The following DENND1A variants were observed in gnomAD, a reference collection of about 807,000 sequenced individuals.
DENND1A encodes DENN domain containing 1A.
Under a neutral mutation model 113.7 loss-of-function variants are expected in DENND1A, and 51 were observed. The ratio of observed to expected loss-of-function variants is 0.45; its 90% CI spans 0.36 to 0.57. The LOEUF is 0.57. Ranked by LOEUF, DENND1A falls within the 20% of genes least tolerant of loss-of-function variation. The pLI, the probability that DENND1A is intolerant of heterozygous loss-of-function variation, is 0.00. For synonymous variants in DENND1A, 565 were observed against 570.8 expected (o/e 0.99, Z 0.14); for missense variants, 1,258 against 1,395.9 (o/e 0.90, Z 1.57).
intron 13 of DENND1A, among the ~76,000 whole-genome samples, chr9:123,524,436 A>G (rs2054643655): frequency 6.6e-6 from 1 of 152,256 alleles, no homozygotes; most frequent in East Asian, 1.9e-4. Context: ...TCATGGGTCC[A>G]CAAGGAATAG....
At chr9:123,485,864 T>C (rs558863020) in intron 13 of DENND1A, among the ~76,000 whole-genome samples, 44 of 152,340 alleles carry the variant, frequency 2.9e-4, no homozygotes, top group African/African-American at 1.0e-3. Context: ...TAAACTCTCA[T>C]GCCTAGGCTT....
chr9:123,518,971 C>T (rs1481675873), intron 13 of DENND1A, among the ~76,000 whole-genome samples: 1 of 152,210 alleles, frequency 6.6e-6, no homozygotes, highest in African/African-American at 2.4e-5. Flanking sequence ...CGTGAACCTG[C>T]CTAAATCTGT....
intron 22 of DENND1A, among the ~76,000 whole-genome samples, chr9:123,384,642 C>T (rs944020898): frequency 6.6e-6 from 1 of 152,196 alleles, no homozygotes; most frequent in African/African-American, 2.4e-5. Flanking sequence ...TGTACTTTTA[C>T]ACATTCAAAA....
At chr9:123,620,540 C>G (rs1329605795) in intron 10 of DENND1A, among the ~76,000 whole-genome samples, 1 of 152,172 alleles carries the variant, frequency 6.6e-6, no homozygotes, top group Non-Finnish European at 1.5e-5. Context: ...GATTTGGACC[C>G]AAGACTTTGA....
chr9:123,728,106 A>AC (rs1336982400), intron 5 of DENND1A, among the ~76,000 whole-genome samples: 1 of 129,658 alleles, frequency 7.7e-6, no homozygotes, highest in African/African-American at 4.0e-5. Flanking sequence ...ACTCTGTCTC[A>AC]AAAAAAAAAA....
At chr9:123,413,769 GCCA>G in intron 19 of DENND1A, 1 of 985,470 alleles carries the variant, frequency 1.0e-6, no homozygotes, top group Non-Finnish European at 1.2e-6. Flanking sequence ...GATGGGCAAG[GCCA>G]CCATGTTTTT....
chr9:123,510,235 C>T (rs981532531), intron 13 of DENND1A, among the ~76,000 whole-genome samples: 1 of 152,260 alleles, frequency 6.6e-6, no homozygotes, highest in Non-Finnish European at 1.5e-5. Flanking sequence ...GATCCTTGTG[C>T]TCCTTGTATT....
rs2042217478 is a variant in DENND1A, at chr9:123,380,403, C to G, written c.*1029G>C. The stretch of plus-strand genomic sequence containing the variant: ...AGGTGGGGAGGGACTGGCTTCTAGC[C>G]CTCCTCCTGCTTCCCCGAGGCAGAG... On this transcript the variant is annotated 3_prime_UTR_variant, in exon 24 of 24. Transcript: ENST00000394215. The G allele has an allele frequency of 6.6e-6, 1 of 152,518 alleles. No individual in the cohort carries two copies. Among genetic ancestry groups the G allele is most frequent in the Non-Finnish European group, 1.5e-5 (1 of 68,050 alleles). The allele number at this position is 152,518 out of a possible 1,614,324, so 9.4% of individuals were successfully genotyped here. A position where few individuals can be genotyped will look rare whatever the true frequency, so the allele number is the denominator to read the frequency against.
chr9:123,665,508 C>T (rs1277274130), intron 8 of DENND1A, among the ~76,000 whole-genome samples: 1 of 151,990 alleles, frequency 6.6e-6, no homozygotes, highest in African/African-American at 2.4e-5. Context: ...CTTGATAATC[C>T]CAACTTATCA....
chr9:123,403,210 C>T (rs943307934), intron 21 of DENND1A, among the ~76,000 whole-genome samples, 192 bp downstream of exon 21: 1 of 152,230 alleles, frequency 6.6e-6, no homozygotes, highest in Admixed American at 6.5e-5. Context: ...GCCTCTGGGG[C>T]CTCCCACTGG....
chr9:123,524,361 T>C (rs2054635043), intron 13 of DENND1A, among the ~76,000 whole-genome samples: 1 of 152,234 alleles, frequency 6.6e-6, no homozygotes, highest in Non-Finnish European at 1.5e-5. Flanking sequence ...GGTTGGATGG[T>C]CGGGCTTATG....
intron 13 of DENND1A, among the ~76,000 whole-genome samples, chr9:123,475,701 G>A (rs532093686): frequency 6.6e-6 from 1 of 152,340 alleles, no homozygotes; most frequent in South Asian, 2.1e-4. Flanking sequence ...GGGAAGGCCT[G>A]GCTAAAAATA....
At chr9:123,925,236 A>G (rs1386912795) in intron 1 of DENND1A, among the ~76,000 whole-genome samples, 1 of 152,106 alleles carries the variant, frequency 6.6e-6, no homozygotes, top group Non-Finnish European at 1.5e-5. Flanking sequence ...CTAATATGCC[A>G]CGTCCTCATA....
intron 1 of DENND1A, among the ~76,000 whole-genome samples, chr9:123,902,382 C>T (rs1283737168): frequency 6.6e-6 from 1 of 152,174 alleles, no homozygotes; most frequent in African/African-American, 2.4e-5. Flanking sequence ...TTCTGTAAGG[C>T]AATAAAGTTC....
intron 13 of DENND1A, among the ~76,000 whole-genome samples, chr9:123,459,978 A>G (rs2048405940): frequency 6.6e-6 from 1 of 152,222 alleles, no homozygotes; most frequent in African/African-American, 2.4e-5. Flanking sequence ...TTATATGAGC[A>G]TCTAAAACAA....
At position 123,585,701 on chromosome 9, in the gene DENND1A, C is replaced by T. The variant is rs1159725924; in HGVS notation, c.766-2431G>A. On this transcript the variant is annotated intron_variant, in intron 11 of 23. Coordinates refer to ENST00000394215, the MANE Select transcript of DENND1A (RefSeq NM_001352964.2). ...TCACACAGCACTGCCACACAGATGC[C>T]TTCATTCCATCAATGGGGCTGGAGG... Among the ~76,000 whole-genome samples, 3 of 152,342 alleles carry T rather than the reference C, an allele frequency of 2.0e-5. No homozygotes were observed. In the East Asian group the frequency reaches 5.8e-4, roughly 29 times the overall value.
At chr9:123,435,794 G>C (rs1446641407) in intron 19 of DENND1A, among the ~76,000 whole-genome samples, 2 of 152,230 alleles carry the variant, frequency 1.3e-5, no homozygotes, top group African/African-American at 4.8e-5. Context: ...GAGAAGCAGA[G>C]GTGCTGCTGC....
intron 2 of DENND1A, among the ~76,000 whole-genome samples, chr9:123,841,419 C>T (rs1386874867): frequency 6.6e-6 from 1 of 152,086 alleles, no homozygotes; most frequent in Non-Finnish European, 1.5e-5. Flanking sequence ...CATAAATTAC[C>T]TAATTTTCAG....
At chr9:123,840,180 A>T (rs1841621486) in intron 2 of DENND1A, among the ~76,000 whole-genome samples, 1 of 151,646 alleles carries the variant, frequency 6.6e-6, no homozygotes, top group Admixed American at 6.6e-5. Flanking sequence ...CCCTTTAAGC[A>T]TCCCTTTAAG....
Sources: gnomAD v4.1 joint callset for allele counts (sites outside exome capture counted in the v4.1 genomes callset) on GRCh38, gnomAD v4.1.1 for gene constraint, MANE v1.5 for transcripts, NCBI Gene and HGNC (gene_info 2026-07-23, HGNC 2026-07-21) for gene names.